The following GUCY2C variants were observed in gnomAD, a reference collection of about 807,000 sequenced individuals.
GUCY2C encodes the protein guanylyl cyclase C.
A neutral mutation model predicts 131.1 loss-of-function variants in GUCY2C; 118 were observed. That is an observed-to-expected ratio of 0.90 (90% confidence interval 0.78 to 1.05). GUCY2C has a LOEUF of 1.05. GUCY2C is among the 50% of genes least tolerant of loss of function. The pLI is 0.00. For missense variants in GUCY2C, 1,161 were observed against 1,304.4 expected (o/e 0.89, Z 1.69); for synonymous variants, 452 against 457.8 (o/e 0.99, Z 0.16).
At chr12:14,638,661 C>T (rs1184232144) in intron 19 of GUCY2C, among the ~76,000 whole-genome samples, 1 of 152,032 alleles carries the variant, frequency 6.6e-6, no homozygotes, top group Non-Finnish European at 1.5e-5. Flanking sequence ...AAAAGTTGAT[C>T]TCATGGAGGT....
chr12:14,643,210 C>T (rs1279545337), intron 17 of GUCY2C, among the ~76,000 whole-genome samples: 1 of 152,156 alleles, frequency 6.6e-6, no homozygotes, highest in East Asian at 1.9e-4. Flanking sequence ...TTGGACAAAT[C>T]TGAGTCTCAG....
chr12:14,616,978 G>C (rs892550434), intron 24 of GUCY2C, among the ~76,000 whole-genome samples: 3 of 152,174 alleles, frequency 2.0e-5, no homozygotes, highest in African/African-American at 7.2e-5. Flanking sequence ...CCCCCGACCA[G>C]GTGTCTGGGT....
chr12:14,668,652 T>A (rs1477949761), intron 10 of GUCY2C, among the ~76,000 whole-genome samples: 7 of 151,112 alleles, frequency 4.6e-5, no homozygotes, highest in African/African-American at 1.7e-4. Context: ...TTTTTTTAAA[T>A]CTTTGGGCTA....
At chr12:14,666,255 G>T (rs1479868805) in intron 10 of GUCY2C, among the ~76,000 whole-genome samples, 1 of 152,178 alleles carries the variant, frequency 6.6e-6, no homozygotes, top group East Asian at 1.9e-4. Flanking sequence ...CCGGCACAAT[G>T]ACACCCCCAC....
At chr12:14,652,846 G>A in intron 13 of GUCY2C, 106 bp downstream of exon 13, 1 of 801,760 alleles carries the variant, frequency 1.2e-6, no homozygotes, top group Non-Finnish European at 2.3e-6. Flanking sequence ...GGAACAGACT[G>A]GGGACTCCCA....
intron 13 of GUCY2C, among the ~76,000 whole-genome samples, chr12:14,652,364 G>A (rs1281277716): frequency 2.0e-5 from 3 of 151,940 alleles, no homozygotes; most frequent in African/African-American, 7.2e-5. Context: ...TAGGAGAAAC[G>A]GGGTTTTGCC....
intron 15 of GUCY2C, among the ~76,000 whole-genome samples, chr12:14,650,440 G>T (rs2137036726): frequency 6.6e-6 from 1 of 152,274 alleles, no homozygotes; most frequent in East Asian, 1.9e-4. Flanking sequence ...TAGAGATGGG[G>T]TTTCACCGTG....
rs754333717 is a variant in GUCY2C, at chr12:14,679,751, T to A, written c.736A>T (p.Ile246Phe). 6.6e-7 allele frequency: 1 copy of A among 1,525,926 alleles called. No individual in the cohort carries two copies. The highest frequency in any genetic ancestry group is 1.7e-4 in the Middle Eastern group (1 of 5,864). The allele number at this position is 1,525,926 out of a possible 1,614,324, so 94.5% of individuals were successfully genotyped here. The change falls in exon 6 of 27, where the codon ATT becomes TTT. Residue 246 changes from isoleucine to phenylalanine, a missense_variant and splice_region_variant. Transcript: ENST00000261170. Reference sequence around the variant, plus strand: ...AACTCTGGACCACCACACATAATAATCACTGGAGGAGAAGGTAAGACAAGG... The same window carrying A: ...AACTCTGGACCACCACACATAATAAACACTGGAGGAGAAGGTAAGACAAGG... ...LMDHNRKSNV[I>F]IMCGGPEFLY... is the part of the protein sequence containing the mutation.
rs533711366 is a variant in GUCY2C at position 14,616,649 on chromosome 12, C to T, written c.2954G>A (p.Gly985Glu). ...ACTCCTTACCTTTAAGTATGTTTCT[C>T]CTCTCACTTCATAAAGGAACTGGCA... ...TECQFLYEVR[G>E]ETYLKGRGNE... is the part of the protein sequence containing the mutation. Residue 985 changes from glycine to glutamate, a missense_variant, in exon 25 of 27, where the codon GGA becomes GAA. Coordinates refer to ENST00000261170, the MANE Select transcript of GUCY2C (RefSeq NM_004963.4). 2 of 1,583,372 alleles carry T rather than the reference C, an allele frequency of 1.3e-6. No homozygotes were observed. The highest frequency in any genetic ancestry group is 1.1e-5 in the South Asian group (1 of 90,458).
intron 19 of GUCY2C, among the ~76,000 whole-genome samples, chr12:14,638,489 G>A (rs910978890): frequency 2.0e-5 from 3 of 152,150 alleles, no homozygotes; most frequent in African/African-American, 7.2e-5. Flanking sequence ...TGGATGAATG[G>A]AAAAATAAAA....
intron 10 of GUCY2C, among the ~76,000 whole-genome samples, chr12:14,669,001 A>T (rs1382382830): frequency 1.3e-5 from 2 of 152,186 alleles, no homozygotes; most frequent in Admixed American, 6.5e-5. Context: ...CTGATATGTC[A>T]AGTATTTCTT....
intron 5 of GUCY2C, 66 bp downstream of exon 5, chr12:14,681,290 C>A: frequency 7.0e-7 from 1 of 1,419,732 alleles, no homozygotes; most frequent in Non-Finnish European, 9.9e-7. Flanking sequence ...GTTGAAATGA[C>A]TTATAAGGAG....
At position 14,622,019 on chromosome 12, in the gene GUCY2C, G is replaced by A; in HGVS notation, c.2587C>T (p.His863Tyr). The change falls in exon 22 of 27, where the codon CAT becomes TAT. Residue 863 changes from histidine to tyrosine, a missense_variant. By Grantham distance (83) the His-to-Tyr change is moderately conservative. Coordinates refer to ENST00000261170, the MANE Select transcript of GUCY2C (RefSeq NM_004963.4). ...GATGTGGTTACCTTGTAGACATCAT[G>A]ATGATCAACAATGTGGTCAAAACTC... Reference protein sequence around the residue: ...YKSFDHIVDHHDVYKVETIGD... With the variant: ...YKSFDHIVDHYDVYKVETIGD... The A allele has an allele frequency of 2.5e-6, 4 of 1,602,424 alleles. No individual in the cohort carries two copies. Among genetic ancestry groups the A allele is most frequent in the Non-Finnish European group, 3.4e-6 (4 of 1,174,984 alleles).
intron 26 of GUCY2C, chr12:14,614,439 G>A (rs1946715036): frequency 6.2e-6 from 1 of 162,492 alleles, no homozygotes; most frequent in Non-Finnish European, 1.3e-5. Context: ...CATGAATACA[G>A]AGCCAGTAAA....
chr12:14,672,828 C>T, intron 9 of GUCY2C, 45 bp downstream of exon 9: 1 of 1,082,006 alleles, frequency 9.2e-7, no homozygotes, highest in Non-Finnish European at 1.4e-6. Context: ...CCCCTCCTCA[C>T]CCAGTCACAG....
chr12:14,621,644 G>C (rs1227520031), intron 22 of GUCY2C, among the ~76,000 whole-genome samples: 2 of 152,136 alleles, frequency 1.3e-5, no homozygotes, highest in Non-Finnish European at 2.9e-5. Context: ...CTTGTAGTAT[G>C]ATTTTCTATT....
chr12:14,663,145 A>G (rs1482828049), intron 10 of GUCY2C, among the ~76,000 whole-genome samples: 1 of 152,246 alleles, frequency 6.6e-6, no homozygotes, highest in African/African-American at 2.4e-5. Context: ...AAGAAATAGA[A>G]GCATATTATT....
chr12:14,696,508 C>T lies in GUCY2C; in HGVS notation c.-60G>A. On this transcript the variant is annotated 5_prime_UTR_variant, in exon 1 of 27. Transcript: ENST00000261170. ...CCACTTGCTTTGCTCTGTTGGGCTC[C>T]TAGGGAGGCAGGGAATCCAGATGGA... 7.5e-7 allele frequency: 1 copy of T among 1,331,686 alleles called. No individual in the cohort carries two copies. The highest frequency in any genetic ancestry group is 2.3e-5 in the East Asian group (1 of 42,784). 82.5% of individuals were successfully genotyped at this position (1,331,686 alleles called of 1,614,324 possible).
At chr12:14,624,956 T>C (rs1001386391) in intron 21 of GUCY2C, among the ~76,000 whole-genome samples, 4 of 152,238 alleles carry the variant, frequency 2.6e-5, no homozygotes, top group African/African-American at 9.6e-5. Flanking sequence ...CAAGGAGTTA[T>C]GCATTATGTA....
Sources: gnomAD v4.1 joint callset for allele counts (sites outside exome capture counted in the v4.1 genomes callset) on GRCh38, gnomAD v4.1.1 for gene constraint, MANE v1.5 for transcripts, NCBI Gene and HGNC (gene_info 2026-07-23, HGNC 2026-07-21) for gene names.